The following ASAP1 variants were observed in gnomAD, a reference collection of about 807,000 sequenced individuals.
ASAP1 encodes the protein arf-GAP with SH3 domain, ANK repeat and PH domain-containing protein 1.
ASAP1 carries 43 observed loss-of-function variants against 145.2 expected under a neutral mutation model. The observed-to-expected ratio is 0.30, with a 90% CI of 0.23 to 0.38. ASAP1 has a LOEUF of 0.38. ASAP1 is among the 10% of genes least tolerant of loss of function. The pLI is 1.00. For missense variants in ASAP1, 1,018 were observed against 1,355.3 expected, an observed-to-expected ratio of 0.75 and a Z score of 3.91; for synonymous variants, 546 against 515.5, an observed-to-expected ratio of 1.06 and a Z score of -0.80.
intron 4 of ASAP1, among the ~76,000 whole-genome samples, chr8:130,228,726 C>A (rs1395420733): frequency 1.3e-5 from 2 of 149,442 alleles, no homozygotes; most frequent in Non-Finnish European, 3.0e-5. Flanking sequence ...GAAAAAGAAT[C>A]TAAATAATGA....
chr8:130,173,644 T>C (rs1457154726), intron 9 of ASAP1, among the ~76,000 whole-genome samples: 1 of 151,920 alleles, frequency 6.6e-6, no homozygotes, highest in Admixed American at 6.6e-5. Context: ...GGTACATGCC[T>C]GTAGTCCCTG....
chr8:130,340,955 T>C (rs1196782498), intron 3 of ASAP1: 1 of 428,116 alleles, frequency 2.3e-6, no homozygotes, highest in South Asian at 1.7e-5. Flanking sequence ...TTTTTTTTTG[T>C]TTTTGTTTTT....
chr8:130,258,329 T>C (rs1261339897), intron 3 of ASAP1, among the ~76,000 whole-genome samples: 2 of 152,340 alleles, frequency 1.3e-5, no homozygotes, highest in East Asian at 3.9e-4. Flanking sequence ...TTTACACCCA[T>C]TGCCCTGGCA....
At chr8:130,221,690 A>AG (rs1817303450) in intron 4 of ASAP1, among the ~76,000 whole-genome samples, 1 of 151,952 alleles carries the variant, frequency 6.6e-6, no homozygotes, top group African/African-American at 2.4e-5. Flanking sequence ...TTCTCCTGTT[A>AG]ATTTGTCTTT....
chr8:130,256,756 T>TATATATATCC (rs1554860208), intron 3 of ASAP1, among the ~76,000 whole-genome samples: 1 of 89,244 alleles, frequency 1.1e-5, no homozygotes, highest in Non-Finnish European at 2.5e-5. Flanking sequence ...TATATATATA[T>TATATATATCC]ATATATATAT....
In ASAP1 at chr8:130,159,966, TA is replaced by T; in HGVS notation, c.910-3del. The T allele has an allele frequency of 6.2e-7, 1 of 1,613,124 alleles. No homozygotes were observed. The stretch of plus-strand genomic sequence containing the variant: ...TCCTCCTTGCCGGCTCTGAGAATCC[TA>T]GGAAAGAAAAACTACAGATTAAACA... On this transcript the variant is annotated splice_polypyrimidine_tract_variant and splice_region_variant and intron_variant, in intron 11 of 29. Transcript: ENST00000518721.
At chr8:130,250,409 T>G (rs1586683236) in intron 3 of ASAP1, among the ~76,000 whole-genome samples, 1 of 152,202 alleles carries the variant, frequency 6.6e-6, no homozygotes, top group African/African-American at 2.4e-5. Context: ...CTAAAAAACA[T>G]GTTTTATTCT....
intron 3 of ASAP1, among the ~76,000 whole-genome samples, chr8:130,258,650 AG>A (rs2136948628): frequency 6.6e-6 from 1 of 152,286 alleles, no homozygotes; most frequent in South Asian, 2.1e-4. Context: ...ACTATTTTAC[AG>A]GGTGAATGGG....
chr8:130,417,429 G>C (rs749827436), intron 1 of ASAP1, among the ~76,000 whole-genome samples: 4 of 152,332 alleles, frequency 2.6e-5, no homozygotes, highest in Middle Eastern at 3.4e-3. Flanking sequence ...TCCATTGTCA[G>C]CCCGTTTCCT....
At chr8:130,378,616 T>C (rs796800333) in intron 2 of ASAP1, among the ~76,000 whole-genome samples, 18 of 152,306 alleles carry the variant, frequency 1.2e-4, no homozygotes, top group African/African-American at 3.8e-4. Context: ...TTGGATGTCA[T>C]GTCAAGGAAT....
At chr8:130,084,591 AG>A (rs1339061542) in intron 25 of ASAP1, 1 of 152,214 alleles carries the variant, frequency 6.6e-6, no homozygotes, top group Non-Finnish European at 1.5e-5. Context: ...AGGTTGCTAC[AG>A]GAGTATTCTG....
intron 15 of ASAP1, among the ~76,000 whole-genome samples, chr8:130,133,101 A>G (rs1432497955): frequency 6.6e-6 from 1 of 152,082 alleles, no homozygotes; most frequent in Non-Finnish European, 1.5e-5. Context: ...AGGAAGTTTG[A>G]CAGTTTATAA....
chr8:130,440,797 G>C (rs1171445041), intron 1 of ASAP1, among the ~76,000 whole-genome samples: 1 of 152,174 alleles, frequency 6.6e-6, no homozygotes, highest in East Asian at 1.9e-4. Context: ...CTCTCTGCCT[G>C]GCCAGTTCCT....
intron 3 of ASAP1, among the ~76,000 whole-genome samples, chr8:130,355,972 C>T (rs1050467349): frequency 1.3e-5 from 2 of 152,106 alleles, no homozygotes; most frequent in Non-Finnish European, 2.9e-5. Flanking sequence ...CATCAATGTA[C>T]TCTAACATGA....
Position 130,060,921 on chromosome 8 carries a change from G to C in ASAP1, c.2850C>G (p.Pro950=), listed in dbSNP as rs775241259. 1.2e-5 allele frequency: 19 copies of C among 1,611,346 alleles called. No homozygotes were observed. In the African/African-American group the frequency reaches 2.4e-4, roughly 20 times the overall value. ...GCTTAGGCGGCAAATCTCCAATTTG[G>C]GGCTTGGGGGCCAGTTCTGTGGGCT... ...PPKPTELAPK[P]QIGDLPPKPG... The change falls in exon 28 of 30, where the codon CCC becomes CCG. Residue 950 remains proline, a synonymous_variant. Transcript: ENST00000518721.
intron 13 of ASAP1, among the ~76,000 whole-genome samples, chr8:130,142,797 A>C (rs1042825462): frequency 1.3e-5 from 2 of 152,124 alleles, no homozygotes; most frequent in East Asian, 3.9e-4. Context: ...GATACTAAGA[A>C]ACTCACATTC....
At position 130,129,583 on chromosome 8, in the gene ASAP1, G is replaced by A. The variant is rs527244643; in HGVS notation, c.1218-1493C>T. Among the ~76,000 whole-genome samples the A allele has an allele frequency of 3.3e-5, 5 of 152,312 alleles. No homozygotes were observed. In the East Asian group the frequency reaches 9.6e-4, roughly 29 times the overall value. On this transcript the variant is annotated intron_variant, in intron 15 of 29. Coordinates refer to ENST00000518721, the MANE Select transcript of ASAP1 (RefSeq NM_018482.4). ...ATGTTTATTCTCAACAGACAATACAGAGGTTCAGAACTGAGTCTCTCATTT... is the reference window on the plus strand; with the variant it reads ...ATGTTTATTCTCAACAGACAATACAAAGGTTCAGAACTGAGTCTCTCATTT...
intron 9 of ASAP1, among the ~76,000 whole-genome samples, chr8:130,171,412 C>T (rs1813587106): frequency 6.6e-6 from 1 of 152,020 alleles, no homozygotes. Context: ...TGGCAGAAGG[C>T]ACCTCTTCAC....
At chr8:130,380,766 T>C (rs1316101630) in intron 2 of ASAP1, among the ~76,000 whole-genome samples, 1 of 152,178 alleles carries the variant, frequency 6.6e-6, no homozygotes, top group African/African-American at 2.4e-5. Context: ...CACTGTGTCA[T>C]GCAGGCTGAC....
Sources: allele counts gnomAD v4.1 joint callset (sites outside exome capture counted in the v4.1 genomes callset), GRCh38; gene constraint gnomAD v4.1.1; transcripts MANE v1.5; gene names NCBI Gene and HGNC (gene_info 2026-07-23, HGNC 2026-07-21).